Variants in TIMM13 observed in about 807,000 individuals in gnomAD.
The protein encoded by TIMM13 is mitochondrial import inner membrane translocase subunit Tim13.
In TIMM13, 8 loss-of-function variants were observed where a neutral mutation model predicts 10.9. That is an observed-to-expected ratio of 0.73 (90% CI 0.43 to 1.32). The LOEUF (loss-of-function observed/expected upper bound fraction) is 1.32. TIMM13 is among the 40% of genes most tolerant of loss of function. The pLI, the probability that TIMM13 is intolerant of heterozygous loss-of-function variation, is 0.01. For synonymous variants in TIMM13, 68 were observed against 52.5 expected (o/e 1.30, Z -1.28); for missense variants, 147 against 132.8 (o/e 1.11, Z -0.53).
rs1372536934 is a variant in TIMM13, at chr19:2,426,558, G to A, written c.*390C>T. The A allele has an allele frequency of 6.1e-6, 2 of 325,648 alleles. No homozygotes were observed. The highest frequency in any genetic ancestry group is 5.8e-6 in the Non-Finnish European group (1 of 173,876). 20.2% of individuals were successfully genotyped at this position (325,648 alleles called of 1,614,324 possible). Reference sequence around the variant, plus strand: ...GACCCCTCAGGAGGGAAATAAAGAGGTTTCTCTCCGTCCTCCACCAATTTA... The same window carrying A: ...GACCCCTCAGGAGGGAAATAAAGAGATTTCTCTCCGTCCTCCACCAATTTA... On this transcript the variant is annotated 3_prime_UTR_variant, in exon 3 of 3. Coordinates refer to ENST00000215570, the MANE Select transcript of TIMM13 (RefSeq NM_012458.4).
chr19:2,425,902 ACC>A lies in TIMM13; in HGVS notation c.*1044_*1045del. 3.8e-6 allele frequency: 6 copies of A among 1,564,782 alleles called. No individual in the cohort carries two copies. Among genetic ancestry groups the A allele is most frequent in the South Asian group, 2.4e-5 (2 of 84,834 alleles). ...CTGTAGGGGAGGTACCGGCCTCTGA[ACC>A]CCCTTTCTTCTCTCCCCAACAGGGT... On this transcript the variant is annotated 3_prime_UTR_variant, in exon 3 of 3. Transcript: ENST00000215570.
rs1971613452 is a variant in TIMM13, at chr19:2,425,907, C to T, written c.*1041G>A. ...GGGGAGGTACCGGCCTCTGAACCCC[C>T]TTTCTTCTCTCCCCAACAGGGTGAC... is the stretch of plus-strand genomic sequence containing the variant. On this transcript the variant is annotated 3_prime_UTR_variant, in exon 3 of 3. Coordinates refer to ENST00000215570, the MANE Select transcript of TIMM13 (RefSeq NM_012458.4). 6.4e-7 allele frequency: 1 copy of T among 1,574,198 alleles called. No individual in the cohort carries two copies. Among genetic ancestry groups the T allele is most frequent in the African/African-American group, 1.4e-5 (1 of 72,350 alleles).
rs1555682217 is a variant in TIMM13, at chr19:2,427,529, T to G, written c.5A>C (p.Glu2Ala). 5.0e-6 allele frequency: 8 copies of G among 1,603,042 alleles called. No individual in the cohort carries two copies. Among genetic ancestry groups the G allele is most frequent in the Non-Finnish European group, 6.8e-6 (8 of 1,175,564 alleles). M[E>A]GGFGSDFGGS... Reference sequence around the variant, plus strand: ...CCCGAAATCGGAGCCGAAGCCGCCCTCCATGGCTCCGCAAAGTCAACCGGA... The same window carrying G: ...CCCGAAATCGGAGCCGAAGCCGCCCGCCATGGCTCCGCAAAGTCAACCGGA... The change falls in exon 1 of 3, where the codon GAG becomes GCG. Residue 2 changes from glutamate (E) to alanine (A), a missense_variant. Transcript: ENST00000215570.
At position 2,427,259 on chromosome 19, in the gene TIMM13, C is replaced by T; in HGVS notation, c.186G>A (p.Glu62=). The T allele has an allele frequency of 1.9e-6, 3 of 1,613,318 alleles. No individual in the cohort carries two copies. Among genetic ancestry groups the T allele is most frequent in the East Asian group, 2.2e-5 (1 of 44,874 alleles). ...CCCGAACCTCCGCGGGTCTCACCTG[C>T]TCGGAGTTGTCCAGGGAGCCCCCAG... The part of the protein sequence containing the change: ...GKPGGSLDNS[E]QKCIAMCMDR... Residue 62 remains glutamate (E), a synonymous_variant, in exon 2 of 3, where the codon GAG becomes GAA. Coordinates refer to ENST00000215570, the MANE Select transcript of TIMM13 (RefSeq NM_012458.4).
At position 2,425,766 on chromosome 19, in the gene TIMM13, CCAT is replaced by C; in HGVS notation, c.*1179_*1181del. On this transcript the variant is annotated 3_prime_UTR_variant, in exon 3 of 3. Coordinates refer to ENST00000215570, the MANE Select transcript of TIMM13 (RefSeq NM_012458.4). ...CACTCCGGGACCACGTGGCGGGTGT[CCAT>C]AAATGTCTGCCACCTTTGCATTGAG... The C allele has an allele frequency of 8.3e-7, 1 of 1,208,646 alleles. No homozygotes were observed. Among genetic ancestry groups the C allele is most frequent in the Non-Finnish European group, 1.1e-6 (1 of 893,462 alleles). 74.9% of individuals were successfully genotyped at this position (1,208,646 alleles called of 1,614,324 possible).
Position 2,426,051 on chromosome 19 carries a change from CTG to C in TIMM13, c.*895_*896del. The C allele has an allele frequency of 6.2e-7, 1 of 1,609,528 alleles. No individual in the cohort carries two copies. Among genetic ancestry groups the C allele is most frequent in the Non-Finnish European group, 8.5e-7 (1 of 1,178,482 alleles). On this transcript the variant is annotated 3_prime_UTR_variant, in exon 3 of 3. Transcript: ENST00000215570. ...CCAGGTGTCTATACCCGGGTGGCAG[CTG>C]TGAGAGGCTGGATAGGACAGCACAT...
In TIMM13 at chr19:2,427,053, G is replaced by A; in HGVS notation, c.190-7C>T. On this transcript the variant is annotated splice_polypyrimidine_tract_variant and splice_region_variant and intron_variant, in intron 2 of 2. Coordinates refer to ENST00000215570, the MANE Select transcript of TIMM13 (RefSeq NM_012458.4). ...TGCACATGGCGATGCACTTCTGCGG[G>A]AGCGGAGGGGCGCACGGCTCAGCTC... is the stretch of plus-strand genomic sequence containing the variant. The A allele has an allele frequency of 1.9e-6, 3 of 1,607,056 alleles. No individual in the cohort carries two copies. The East Asian group carries it at 6.7e-5, about 36-fold the overall frequency.
At chr19:2,427,369 G>T in intron 1 of TIMM13, 45 bp from the exon 2 acceptor site, 1 of 1,612,146 alleles carries the variant, frequency 6.2e-7, no homozygotes, top group Non-Finnish European at 8.5e-7. Context: ...GGCCCCCAGG[G>T]GTGGCCCTGT....
At chr19:2,427,089 G>A in intron 2 of TIMM13, 43 bp from the exon 3 acceptor site, 1 of 1,596,764 alleles carries the variant, frequency 6.3e-7, no homozygotes, top group Non-Finnish European at 8.5e-7. Flanking sequence ...GGGACTTCGC[G>A]GCCCCGGGGA....
In TIMM13 at chr19:2,426,877, G is replaced by T. The variant is rs1599325525; in HGVS notation, c.*71C>A. The T allele has an allele frequency of 2.1e-6, 3 of 1,454,506 alleles. No individual in the cohort carries two copies. Among genetic ancestry groups the T allele is most frequent in the Non-Finnish European group, 9.4e-7 (1 of 1,065,300 alleles). 90.1% of individuals were successfully genotyped at this position (1,454,506 alleles called of 1,614,324 possible). ...CTCCTAAGCCCCGGGCAGGCAGTAC[G>T]TACATGCGGACCCCGCCTCTCAAAG... On this transcript the variant is annotated 3_prime_UTR_variant, in exon 3 of 3. Transcript: ENST00000215570.
Position 2,426,222 on chromosome 19 carries a change from T to C in TIMM13, c.*726A>G, listed in dbSNP as rs1385607513. The stretch of plus-strand genomic sequence containing the variant: ...TGTGGGTCATGGGGATGCATTTTGG[T>C]ACCACCCTTTGTTCCAATAAACACA... On this transcript the variant is annotated 3_prime_UTR_variant, in exon 3 of 3. Transcript: ENST00000215570. The C allele has an allele frequency of 3.4e-6, 4 of 1,169,392 alleles. No individual in the cohort carries two copies. Among genetic ancestry groups the C allele is most frequent in the Non-Finnish European group, 2.4e-6 (2 of 848,078 alleles). 72.4% of individuals were successfully genotyped at this position (1,169,392 alleles called of 1,614,324 possible).
At position 2,427,508 on chromosome 19, in the gene TIMM13, A is replaced by C. The variant is rs541898559; in HGVS notation, c.26T>G (p.Phe9Cys). 23 of 1,609,946 alleles carry C rather than the reference A, an allele frequency of 1.4e-5. No homozygotes were observed. Among genetic ancestry groups the C allele is most frequent in the Non-Finnish European group, 1.7e-5 (20 of 1,178,656 alleles). Residue 9 changes from phenylalanine to cysteine, a missense_variant, in exon 1 of 3, where the codon TTC becomes TGC. Transcript: ENST00000215570. MEGGFGSD[F>C]GGSGSGKLDP... Reference sequence around the variant, plus strand: ...CAGCTTCCCGCTGCCGGAGCCCCCGAAATCGGAGCCGAAGCCGCCCTCCAT... The same window carrying C: ...CAGCTTCCCGCTGCCGGAGCCCCCGCAATCGGAGCCGAAGCCGCCCTCCAT...
rs530971976 is a variant in TIMM13, at chr19:2,426,691, G to A, written c.*257C>T. The A allele has an allele frequency of 1.9e-5, 11 of 580,824 alleles. No homozygotes were observed. In the East Asian group the frequency reaches 2.9e-4, roughly 15 times the overall value. 36.0% of individuals were successfully genotyped at this position (580,824 alleles called of 1,614,324 possible). ...ATATGAGGCTGACTTGGGCACACTA[G>A]GGGAATACCCCAAAGGCCTGAAGGA... On this transcript the variant is annotated 3_prime_UTR_variant, in exon 3 of 3. Transcript: ENST00000215570.
rs1415588743 is a variant in TIMM13, at chr19:2,426,488, CCCT to C, written c.*457_*459del. 1 of 284,360 alleles carries C rather than the reference CCCT, an allele frequency of 3.5e-6. No homozygotes were observed. 17.6% of individuals were successfully genotyped at this position (284,360 alleles called of 1,614,324 possible). On this transcript the variant is annotated 3_prime_UTR_variant, in exon 3 of 3. Transcript: ENST00000215570. The stretch of plus-strand genomic sequence containing the variant: ...TCTCCCAACCCAGGGGAGGCTGAGA[CCCT>C]CCGAGCTGGGGTTCCAGGGACACGC...
chr19:2,427,214 T>C (rs1568197656), intron 2 of TIMM13, 42 bp downstream of exon 2: 11 of 1,606,860 alleles, frequency 6.8e-6, no homozygotes, highest in Non-Finnish European at 8.5e-6. Flanking sequence ...CCCTCGAATC[T>C]AGGCCCTCGC....
intron 2 of TIMM13, 78 bp from the exon 3 acceptor site, chr19:2,427,124 G>C: frequency 6.4e-7 from 1 of 1,572,670 alleles, no homozygotes; most frequent in Non-Finnish European, 8.7e-7. Context: ...GCTCCAGGAC[G>C]CCCGGGCTGC....
chr19:2,427,175 G>C, intron 2 of TIMM13, 81 bp downstream of exon 2: 1 of 1,579,908 alleles, frequency 6.3e-7, no homozygotes, highest in Non-Finnish European at 8.6e-7. Context: ...GCACCTCCCC[G>C]TTAGTCTGCG....
rs1971650250 is a variant in TIMM13 at position 2,426,843 on chromosome 19, G to GGGCAGGCA, written c.*104_*105insTGCCTGCC. On this transcript the variant is annotated 3_prime_UTR_variant, in exon 3 of 3. Transcript: ENST00000215570. ...ACACAGTCCCGTGTGTCCCAGCACC[G>GGGCAGGCA]GTGCCACCCTCCTAAGCCCCGGGCA... is the stretch of plus-strand genomic sequence containing the variant. 1 of 1,135,964 alleles carries GGGCAGGCA rather than the reference G, an allele frequency of 8.8e-7. No homozygotes were observed. Among genetic ancestry groups the GGGCAGGCA allele is most frequent in the African/African-American group, 1.5e-5 (1 of 65,488 alleles). The allele number at this position is 1,135,964 out of a possible 1,614,324, so 70.4% of individuals were successfully genotyped here. A position where few individuals can be genotyped will look rare whatever the true frequency, so the allele number is the denominator to read the frequency against.
At position 2,427,275 on chromosome 19, in the gene TIMM13, G is replaced by A. The variant is rs752248519; in HGVS notation, c.170C>T (p.Ser57Phe). 1 of 1,613,412 alleles carries A rather than the reference G, an allele frequency of 6.2e-7. No homozygotes were observed. Among genetic ancestry groups the A allele is most frequent in the South Asian group, 1.1e-5 (1 of 91,074 alleles). ...FRKCIGKPGGSLDNSEQKCIA... is the reference protein window; with the variant it reads ...FRKCIGKPGGFLDNSEQKCIA... ...TCTCACCTGCTCGGAGTTGTCCAGG[G>A]AGCCCCCAGGTTTCCCTATACACTT... is the stretch of plus-strand genomic sequence containing the variant. Residue 57 changes from serine to phenylalanine, a missense_variant, in exon 2 of 3, where the codon TCC becomes TTC. Physicochemically the swap from Ser to Phe is radical, Grantham distance 155. Coordinates refer to ENST00000215570, the MANE Select transcript of TIMM13 (RefSeq NM_012458.4).
Sources: gnomAD v4.1 joint callset for allele counts on GRCh38, gnomAD v4.1.1 for gene constraint, MANE v1.5 for transcripts, NCBI Gene and HGNC (gene_info 2026-07-23, HGNC 2026-07-21) for gene names.